ZMYND12: variants seen among roughly 807,000 people sequenced by gnomAD.
The protein encoded by ZMYND12 is zinc finger MYND domain-containing protein 12.
ZMYND12 carries 32 observed loss-of-function variants against 41.7 expected under a neutral mutation model. The observed-to-expected ratio is 0.77, with a 90% CI of 0.58 to 1.03. The LOEUF is 1.03. Among genes scored for constraint, ZMYND12 ranks in the 50% least tolerant of loss-of-function variants. ZMYND12 has a pLI of 0.00. For synonymous variants in ZMYND12, 148 were observed against 164.8 expected (o/e 0.90, Z 0.78); for missense variants, 424 against 438.5 (o/e 0.97, Z 0.30).
intron 3 of ZMYND12, among the ~76,000 whole-genome samples, chr1:42,444,592 C>T (rs187290249): frequency 2.0e-5 from 3 of 152,248 alleles, no homozygotes; most frequent in Non-Finnish European, 2.9e-5. Flanking sequence ...ACAGTGCTCA[C>T]GAGGTTTCAG....
At chr1:42,433,326 G>C (rs1438414929) in intron 6 of ZMYND12, 38 bp from the exon 7 acceptor site, 1 of 1,579,394 alleles carries the variant, frequency 6.3e-7, no homozygotes, top group Admixed American at 1.9e-5. Context: ...ACAGGCTCTT[G>C]GCAACTGAGT....
chr1:42,443,893 CT>C (rs981393896), intron 3 of ZMYND12, among the ~76,000 whole-genome samples: 3 of 152,088 alleles, frequency 2.0e-5, no homozygotes, highest in African/African-American at 7.2e-5. Flanking sequence ...AACATGAGTG[CT>C]GTGAAGGAAA....
intron 2 of ZMYND12, among the ~76,000 whole-genome samples, 182 bp downstream of exon 2, chr1:42,449,736 G>T (rs1643062914): frequency 6.6e-6 from 1 of 152,226 alleles, no homozygotes; most frequent in Admixed American, 6.5e-5. Flanking sequence ...GACTAATACA[G>T]TAAGTATTTA....
At chr1:42,438,716 T>C (rs1642932626) in intron 4 of ZMYND12, among the ~76,000 whole-genome samples, 1 of 152,094 alleles carries the variant, frequency 6.6e-6, no homozygotes, top group Non-Finnish European at 1.5e-5. Flanking sequence ...TATGGGTTAG[T>C]GGAATTTAAA....
At chr1:42,448,383 TCAA>T (rs1643046058) in intron 3 of ZMYND12, 81 bp downstream of exon 3, 1 of 1,398,534 alleles carries the variant, frequency 7.2e-7, no homozygotes, top group Non-Finnish European at 9.4e-7. Flanking sequence ...GGTGCCACTG[TCAA>T]GGGTGACTCT....
chr1:42,440,448 G>A (rs1642956887), intron 3 of ZMYND12, among the ~76,000 whole-genome samples: 8 of 152,186 alleles, frequency 5.3e-5, no homozygotes, highest in Admixed American at 5.2e-4. Flanking sequence ...CAAATCCATA[G>A]AGACGGAAAG....
chr1:42,442,192 C>T (rs545234907), intron 3 of ZMYND12, among the ~76,000 whole-genome samples: 2 of 151,922 alleles, frequency 1.3e-5, no homozygotes, highest in East Asian at 3.9e-4. Context: ...TCAAAAAGGG[C>T]GAGAGAATCA....
At chr1:42,439,242 G>T (rs1642940057) in intron 4 of ZMYND12, among the ~76,000 whole-genome samples, 1 of 151,192 alleles carries the variant, frequency 6.6e-6, no homozygotes, top group Non-Finnish European at 1.5e-5. Flanking sequence ...ACAGATCTGT[G>T]ACTAGAAGCA....
intron 1 of ZMYND12, among the ~76,000 whole-genome samples, chr1:42,453,322 C>T (rs1431135491): frequency 1.3e-5 from 2 of 152,034 alleles, no homozygotes; most frequent in Non-Finnish European, 2.9e-5. Context: ...ATATTAGTGC[C>T]AACTATGTCT....
intron 1 of ZMYND12, among the ~76,000 whole-genome samples, chr1:42,452,079 A>G (rs1036714528): frequency 1.3e-5 from 2 of 152,136 alleles, no homozygotes; most frequent in African/African-American, 2.4e-5. Flanking sequence ...CTGAATTTGA[A>G]TATCTTTAGG....
intron 2 of ZMYND12, 144 bp from the exon 3 acceptor site, chr1:42,448,782 G>C (rs1643050575): frequency 1.4e-6 from 1 of 707,166 alleles, no homozygotes; most frequent in East Asian, 3.2e-5. Context: ...TGGACGTGAA[G>C]CCCCACATAA....
chr1:42,453,727 C>T (rs561420997), intron 1 of ZMYND12, among the ~76,000 whole-genome samples: 3 of 152,320 alleles, frequency 2.0e-5, no homozygotes, highest in South Asian at 2.1e-4. Flanking sequence ...GTTTTACCCA[C>T]GGCGGTTTAC....
At chr1:42,433,906 G>A (rs912610792) in intron 6 of ZMYND12, among the ~76,000 whole-genome samples, 23 of 151,118 alleles carry the variant, frequency 1.5e-4, no homozygotes, top group Non-Finnish European at 2.5e-4. Context: ...AAGACGAAAA[G>A]GATATACACC....
chr1:42,430,904 A>G lies in ZMYND12; in HGVS notation c.976-46T>C, dbSNP rs565671472. 305 of 1,610,058 alleles carry G rather than the reference A, an allele frequency of 1.9e-4. 5 individuals are homozygous for G. In the South Asian group the frequency reaches 3.1e-3, roughly 16 times the overall value. ...CAAAAGGAAGTTGTCACAGGAAAGCATAACACTGGGAAGCCCCATCTGTGC... is the reference window on the plus strand; with the variant it reads ...CAAAAGGAAGTTGTCACAGGAAAGCGTAACACTGGGAAGCCCCATCTGTGC... On this transcript the variant is annotated intron_variant, in intron 7 of 7. Transcript: ENST00000372565.
At chr1:42,432,187 G>A (rs1189276536) in intron 7 of ZMYND12, among the ~76,000 whole-genome samples, 1 of 151,722 alleles carries the variant, frequency 6.6e-6, no homozygotes. Flanking sequence ...CTCCCGAGTG[G>A]CTGGGACTAC....
chr1:42,442,861 G>C (rs1642984885), intron 3 of ZMYND12, among the ~76,000 whole-genome samples: 1 of 152,140 alleles, frequency 6.6e-6, no homozygotes, highest in Non-Finnish European at 1.5e-5. Context: ...ACTAAAATGG[G>C]AAACTACTAG....
rs1046919273 is a variant in ZMYND12 at position 42,430,625 on chromosome 1, AG to A, written c.*110del. Reference sequence around the variant, plus strand: ...GCTATGTGTGCAATCCCAGGGGAAGAGGGTGGAAACTTCAGCAGTCTACAGT... The same window carrying A: ...GCTATGTGTGCAATCCCAGGGGAAGAGGTGGAAACTTCAGCAGTCTACAGT... On this transcript the variant is annotated 3_prime_UTR_variant, in exon 8 of 8. Coordinates refer to ENST00000372565, the MANE Select transcript of ZMYND12 (RefSeq NM_032257.5). 1.1e-4 allele frequency: 153 copies of A among 1,386,350 alleles called. No homozygotes were observed. The highest frequency in any genetic ancestry group is 1.0e-4 in the Non-Finnish European group (101 of 1,012,512). The allele number at this position is 1,386,350 out of a possible 1,614,324, so 85.9% of individuals were successfully genotyped here.
intron 3 of ZMYND12, among the ~76,000 whole-genome samples, chr1:42,445,477 TG>T (rs938009896): frequency 1.3e-5 from 2 of 148,970 alleles, no homozygotes; most frequent in Non-Finnish European, 3.0e-5. Context: ...TCTGGAGCCC[TG>T]GGAAAGCTTC....
chr1:42,441,301 G>A (rs1642965562), intron 3 of ZMYND12, among the ~76,000 whole-genome samples: 1 of 152,102 alleles, frequency 6.6e-6, no homozygotes, highest in South Asian at 2.1e-4. Flanking sequence ...AACAGCATGT[G>A]CAATGTCATA....
Sources: allele counts gnomAD v4.1 joint callset (sites outside exome capture counted in the v4.1 genomes callset), GRCh38; gene constraint gnomAD v4.1.1; transcripts MANE v1.5; gene names NCBI Gene and HGNC (gene_info 2026-07-23, HGNC 2026-07-21).